Variants in SAMHD1 observed in about 807,000 individuals in gnomAD.
SAMHD1 encodes deoxynucleoside triphosphate triphosphohydrolase SAMHD1.
Under a neutral mutation model 79.6 loss-of-function variants are expected in SAMHD1, and 54 were observed. The ratio of observed to expected loss-of-function variants is 0.68; its 90% CI spans 0.55 to 0.85. SAMHD1 has a LOEUF of 0.85. Among genes scored for constraint, SAMHD1 ranks in the 40% least tolerant of loss-of-function variants. The pLI is 0.00. For missense variants in SAMHD1, 663 were observed against 782.7 expected (o/e 0.85, Z 1.82); for synonymous variants, 260 against 264.1 (o/e 0.98, Z 0.15).
intron 9 of SAMHD1, among the ~76,000 whole-genome samples, chr20:36,913,820 C>G (rs1331404119): frequency 6.9e-6 from 1 of 145,508 alleles, no homozygotes; most frequent in Non-Finnish European, 1.5e-5. Flanking sequence ...GGCACACAAT[C>G]TTGGCTCACT....
intron 6 of SAMHD1, chr20:36,926,846 C>T (rs141071265): frequency 1.4e-5 from 3 of 216,826 alleles, no homozygotes; most frequent in East Asian, 2.2e-4. Flanking sequence ...TTTTATTATA[C>T]AGTAGTACAA....
At position 36,946,739 on chromosome 20, in the gene SAMHD1, T is replaced by C. The variant is rs761667582; in HGVS notation, c.274A>G (p.Ser92Gly). 5.0e-6 allele frequency: 8 copies of C among 1,609,680 alleles called. No individual in the cohort carries two copies. The Admixed American group carries it at 1.2e-4, about 24-fold the overall frequency. ...DESRFENLGVSSLGERKKLLS... is the reference protein window; with the variant it reads ...DESRFENLGVGSLGERKKLLS... ...GTGAATTTATTTCTTCATTCTTACCTTACTCCAAGATTTTCAAAACGAGAC... is the reference window on the plus strand; with the variant it reads ...GTGAATTTATTTCTTCATTCTTACCCTACTCCAAGATTTTCAAAACGAGAC... The change falls in exon 2 of 16, where the codon AGT (serine) becomes GGT (glycine). Residue 92 changes from serine (S) to glycine (G), a missense_variant and splice_region_variant. By Grantham distance (56) the Ser-to-Gly change is moderately conservative. Transcript: ENST00000646673.
chr20:36,900,734 C>A (rs1568760673), intron 13 of SAMHD1, among the ~76,000 whole-genome samples: 1 of 143,586 alleles, frequency 7.0e-6, no homozygotes, highest in Non-Finnish European at 1.5e-5. Context: ...GCCTGGCTCA[C>A]TTTTTTTTTT....
intron 5 of SAMHD1, among the ~76,000 whole-genome samples, chr20:36,930,086 A>C (rs1276981064): frequency 3.2e-4 from 1 of 3,116 alleles, no homozygotes; most frequent in Non-Finnish European, 4.9e-4. Flanking sequence ...AAAAAAGACC[A>C]AAAAAAAAAA....
intron 4 of SAMHD1, among the ~76,000 whole-genome samples, chr20:36,933,855 G>A (rs1327395873): frequency 6.6e-6 from 1 of 151,990 alleles, no homozygotes; most frequent in Non-Finnish European, 1.5e-5. Context: ...GACCACCCTG[G>A]CCAACGTGGT....
chr20:36,916,879 G>A lies in SAMHD1; in HGVS notation c.954-49C>T. On this transcript the variant is annotated intron_variant, in intron 8 of 15. Transcript: ENST00000646673. ...GATGAAATTTTTCAACAAGGAAGCT[G>A]TACCTTAAATAGTAATACTAAATTT... The A allele has an allele frequency of 1.9e-6, 3 of 1,580,000 alleles. No homozygotes were observed. In the East Asian group the frequency reaches 6.7e-5, roughly 35 times the overall value.
chr20:36,912,597 T>C (rs770324170), intron 9 of SAMHD1, 45 bp from the exon 10 acceptor site: 1 of 1,339,898 alleles, frequency 7.5e-7, no homozygotes, highest in Non-Finnish European at 1.1e-6. Flanking sequence ...CAGATTATGT[T>C]AACGTTATTA....
At chr20:36,919,095 C>T (rs138727676) in intron 7 of SAMHD1, among the ~76,000 whole-genome samples, 1 of 152,096 alleles carries the variant, frequency 6.6e-6, no homozygotes, top group Non-Finnish European at 1.5e-5. Context: ...GAGATTGTGC[C>T]ACTGCACTCC....
chr20:36,927,747 TG>T (rs1310158694), intron 5 of SAMHD1, among the ~76,000 whole-genome samples: 3 of 152,152 alleles, frequency 2.0e-5, no homozygotes, highest in Admixed American at 2.0e-4. Flanking sequence ...AGCAGAAACA[TG>T]GAAAAGTAAG....
chr20:36,895,506 T>G (rs1990181036), intron 15 of SAMHD1, among the ~76,000 whole-genome samples: 1 of 152,096 alleles, frequency 6.6e-6, no homozygotes, highest in Non-Finnish European at 1.5e-5. Flanking sequence ...ATAATTATTA[T>G]TATCCCCAAC....
intron 5 of SAMHD1, among the ~76,000 whole-genome samples, chr20:36,928,869 C>A (rs972342483): frequency 6.6e-6 from 1 of 151,750 alleles, no homozygotes; most frequent in Non-Finnish European, 1.5e-5. Context: ...CCAGCCTGAC[C>A]AATATGGTGA....
intron 1 of SAMHD1, among the ~76,000 whole-genome samples, chr20:36,950,009 G>GGGCC (rs10630778): frequency 0.22 from 33,777 of 151,632 alleles, 4,462 homozygotes; most frequent in East Asian, 0.46. Flanking sequence ...AAGAGTTGAG[G>GGGCC]GGCCCATAAG....
intron 15 of SAMHD1, among the ~76,000 whole-genome samples, chr20:36,897,224 A>G (rs1413354367): frequency 6.6e-6 from 1 of 152,208 alleles, no homozygotes; most frequent in East Asian, 1.9e-4. Context: ...GCAGTAAAGC[A>G]CTGTTGCCCT....
chr20:36,939,369 G>A (rs1325434616), intron 3 of SAMHD1, among the ~76,000 whole-genome samples: 1 of 151,790 alleles, frequency 6.6e-6, no homozygotes, highest in Non-Finnish European at 1.5e-5. Context: ...AAGGCAGACG[G>A]ATCACATGAG....
intron 4 of SAMHD1, among the ~76,000 whole-genome samples, chr20:36,933,554 A>G (rs373213858): frequency 6.6e-6 from 1 of 152,036 alleles, no homozygotes; most frequent in East Asian, 2.0e-4. Context: ...CTGGAGTGCA[A>G]TGGTGCTATC....
intron 6 of SAMHD1, among the ~76,000 whole-genome samples, chr20:36,923,101 C>T (rs537183340): frequency 3.3e-4 from 50 of 152,114 alleles, no homozygotes; most frequent in Non-Finnish European, 5.9e-4. Context: ...CCTGGGTTCA[C>T]GCCATTCTCC....
At chr20:36,940,784 CA>C (rs1280345265) in intron 3 of SAMHD1, 4 of 524,220 alleles carry the variant, frequency 7.6e-6, no homozygotes, top group Non-Finnish European at 1.4e-5. Flanking sequence ...GCAAATTAGG[CA>C]AAATATTAAT....
Position 36,951,535 on chromosome 20 carries a change from C to T in SAMHD1, c.109G>A (p.Glu37Lys). 6.2e-7 allele frequency: 1 copy of T among 1,614,222 alleles called. No individual in the cohort carries two copies. Among genetic ancestry groups the T allele is most frequent in the Non-Finnish European group, 8.5e-7 (1 of 1,180,020 alleles). ...SAEADWSPGLELHPDYKTWGP... is the reference protein window; with the variant it reads ...SAEADWSPGLKLHPDYKTWGP... ...CATGTCTTGTAGTCGGGATGGAGTT[C>T]CAGGCCCGGGGACCAGTCTGCCTCT... The change falls in exon 1 of 16, where the codon GAA becomes AAA. Residue 37 changes from glutamate to lysine, a missense_variant. Glu to Lys is a moderately conservative substitution (Grantham distance 56). Transcript: ENST00000646673.
chr20:36,909,810 A>G (rs780417693), intron 11 of SAMHD1, among the ~76,000 whole-genome samples: 62 of 152,038 alleles, frequency 4.1e-4, no homozygotes, highest in Middle Eastern at 3.4e-3. Flanking sequence ...GTGTTTTTAT[A>G]ATGAAAATAA....
Sources: gnomAD v4.1 joint callset for allele counts (sites outside exome capture counted in the v4.1 genomes callset) on GRCh38, gnomAD v4.1.1 for gene constraint, MANE v1.5 for transcripts, NCBI Gene and HGNC (gene_info 2026-07-23, HGNC 2026-07-21) for gene names.